ALMS1: variants seen among roughly 807,000 people sequenced by gnomAD.
ALMS1 encodes the protein centrosome-associated protein ALMS1.
A neutral mutation model predicts 352.2 loss-of-function variants in ALMS1; 271 were observed. That is an observed-to-expected ratio of 0.77 (90% confidence interval 0.70 to 0.85). The LOEUF (loss-of-function observed/expected upper bound fraction) is 0.85, where lower values mean the gene tolerates loss of function less well. ALMS1 is among the 40% of genes least tolerant of loss of function. The pLI, the probability that ALMS1 is intolerant of heterozygous loss-of-function variation, is 0.00. For missense variants in ALMS1, 5,445 were observed against 4,870.7 expected (o/e 1.12, Z -3.51); for synonymous variants, 1,865 against 1,761.2 (o/e 1.06, Z -1.48).
intron 11 of ALMS1, among the ~76,000 whole-genome samples, chr2:73,529,708 C>T (rs1419880753): frequency 6.6e-6 from 1 of 152,118 alleles, no homozygotes; most frequent in Non-Finnish European, 1.5e-5. Flanking sequence ...TGTATTAGTC[C>T]ATTTTCAAAC....
chr2:73,493,393 T>G (rs933687647), intron 10 of ALMS1, among the ~76,000 whole-genome samples: 1 of 150,958 alleles, frequency 6.6e-6, no homozygotes, highest in South Asian at 2.1e-4. Flanking sequence ...ATAAAACATA[T>G]ATATATAAGT....
chr2:73,437,785 T>C (rs567811606), intron 7 of ALMS1, among the ~76,000 whole-genome samples: 1 of 152,234 alleles, frequency 6.6e-6, no homozygotes, highest in African/African-American at 2.4e-5. Flanking sequence ...TAACCACAAG[T>C]TTACCTGCCA....
At chr2:73,405,835 TG>T (rs1670961748) in intron 1 of ALMS1, among the ~76,000 whole-genome samples, 1 of 152,224 alleles carries the variant, frequency 6.6e-6, no homozygotes. Context: ...AAGAGTTTGT[TG>T]TTTAATTTCT....
chr2:73,471,812 C>T (rs1270582127), intron 9 of ALMS1, among the ~76,000 whole-genome samples: 1 of 151,808 alleles, frequency 6.6e-6, no homozygotes, highest in African/African-American at 2.4e-5. Context: ...TATGGAGATT[C>T]CTTAAAAAAT....
intron 7 of ALMS1, among the ~76,000 whole-genome samples, chr2:73,432,673 G>T (rs1344280230): frequency 1.3e-5 from 2 of 152,014 alleles, no homozygotes; most frequent in Non-Finnish European, 2.9e-5. Flanking sequence ...CAAACATGTG[G>T]CCTGTGTCCT....
intron 10 of ALMS1, among the ~76,000 whole-genome samples, chr2:73,501,403 A>C (rs934495551): frequency 6.6e-6 from 1 of 151,808 alleles, no homozygotes; most frequent in Non-Finnish European, 1.5e-5. Context: ...GTGTTGTAAA[A>C]GTTTTCTCCT....
Position 73,451,668 on chromosome 2 carries a change from A to G in ALMS1, c.5141A>G (p.Tyr1714Cys), listed in dbSNP as rs748558411. ...TCAGTATCCTCTAGTTTATACTCAT[A>G]TAGAGAGAAGCCCATTGTCTTCTAC... is the stretch of plus-strand genomic sequence containing the variant. ...TPSVSSSLYS[Y>C]REKPIVFYQQ... The change falls in exon 8 of 23, where the codon TAT becomes TGT. Residue 1714 changes from tyrosine (Y) to cysteine (C), a missense_variant. Tyr to Cys is a radical substitution (Grantham distance 194). Transcript: ENST00000613296. The G allele has an allele frequency of 6.2e-6, 10 of 1,613,918 alleles. No individual in the cohort carries two copies. The highest frequency in any genetic ancestry group is 1.7e-4 in the Middle Eastern group (1 of 6,060).
At chr2:73,602,644 A>T (rs1339596619) in intron 20 of ALMS1, among the ~76,000 whole-genome samples, 5 of 152,152 alleles carry the variant, frequency 3.3e-5, no homozygotes, top group Non-Finnish European at 7.3e-5. Context: ...AAGTATATTG[A>T]TTTTTCCTGA....
rs1394971174 is a variant in ALMS1 at position 73,491,234 on chromosome 2, C to T, written c.9275C>T (p.Ser3092Leu). Residue 3092 changes from serine to leucine, a missense_variant, in exon 10 of 23, where the codon TCG becomes TTG. Physicochemically the swap from Ser to Leu is moderately radical, Grantham distance 145. Transcript: ENST00000613296. ...EFNFDLHTVS[S>L]RSLEPTSKLL... ...AACTTTGACTTACATACTGTATCTT[C>T]GAGATCACTGGAACCAACCTCCAAA... 6.2e-6 allele frequency: 10 copies of T among 1,614,090 alleles called. No individual in the cohort carries two copies. The highest frequency in any genetic ancestry group is 1.6e-4 in the Middle Eastern group (1 of 6,062).
At chr2:73,513,879 C>G (rs911334688) in intron 10 of ALMS1, among the ~76,000 whole-genome samples, 1 of 152,092 alleles carries the variant, frequency 6.6e-6, no homozygotes, top group African/African-American at 2.4e-5. Context: ...CCTTCCTTAC[C>G]CTAATGAGAT....
chr2:73,566,818 C>T (rs1674811399), intron 15 of ALMS1, among the ~76,000 whole-genome samples: 1 of 152,224 alleles, frequency 6.6e-6, no homozygotes, highest in African/African-American at 2.4e-5. Flanking sequence ...GGGAGAATCC[C>T]ATGACCCCCT....
chr2:73,422,544 A>G (rs913322261), intron 3 of ALMS1, among the ~76,000 whole-genome samples: 1 of 152,188 alleles, frequency 6.6e-6, no homozygotes, highest in African/African-American at 2.4e-5. Flanking sequence ...CATTTCAGCT[A>G]CTTGAATGTG....
intron 15 of ALMS1, among the ~76,000 whole-genome samples, chr2:73,569,614 T>C (rs998314597): frequency 6.6e-6 from 1 of 152,200 alleles, no homozygotes; most frequent in South Asian, 2.1e-4. Flanking sequence ...CTTGGCCTAG[T>C]GTTCCAGGCC....
At chr2:73,483,515 G>C (rs1672759301) in intron 9 of ALMS1, among the ~76,000 whole-genome samples, 1 of 151,578 alleles carries the variant, frequency 6.6e-6, no homozygotes, top group Non-Finnish European at 1.5e-5. Context: ...TTTTGGAATA[G>C]GTGTGGTGTG....
rs549945146 is a variant in ALMS1, at chr2:73,455,050, T to G, written c.7541-112T>G. On this transcript the variant is annotated intron_variant, in intron 8 of 22. Coordinates refer to ENST00000613296, the MANE Select transcript of ALMS1 (RefSeq NM_001378454.1). ...TGTCATAATTGAGAAGAAGACATAC[T>G]AAGCATTGCAGTGGGTATTAAATTG... 8.1e-5 allele frequency: 96 copies of G among 1,180,962 alleles called. 2 individuals carry two copies. The South Asian group carries it at 1.1e-3, about 14-fold the overall frequency. The allele number at this position is 1,180,962 out of a possible 1,614,324, so 73.2% of individuals were successfully genotyped here. A position where few individuals can be genotyped will look rare whatever the true frequency, so the allele number is the denominator to read the frequency against.
At chr2:73,440,710 C>G (rs1671703007) in intron 7 of ALMS1, among the ~76,000 whole-genome samples, 1 of 152,188 alleles carries the variant, frequency 6.6e-6, no homozygotes, top group Non-Finnish European at 1.5e-5. Flanking sequence ...TAGGCGTGAG[C>G]AACCACAGCC....
Position 73,579,068 on chromosome 2 carries a change from TTTATTTA to T in ALMS1, c.11547+5647_11547+5653del, listed in dbSNP as rs1241476192. 3.5e-3 allele frequency among the ~76,000 whole-genome samples: 480 copies of T among 136,900 alleles called. 30 individuals are homozygous for T. Among genetic ancestry groups the T allele is most frequent in the Non-Finnish European group, 4.0e-3 (261 of 64,940 alleles). 89.8% of individuals were successfully genotyped at this position (136,900 alleles called of 152,430 possible). A position where few individuals can be genotyped will look rare whatever the true frequency, so the allele number is the denominator to read the frequency against. ...TCTTTAATTTCTCCTTTATTCTTTT[TTTATTTA>T]TTTTTTTTTTTGAGACGGAGTCGTC... On this transcript the variant is annotated intron_variant, in intron 16 of 22. Transcript: ENST00000613296.
chr2:73,431,334 C>T (rs941868678), intron 6 of ALMS1, among the ~76,000 whole-genome samples: 8 of 152,042 alleles, frequency 5.3e-5, no homozygotes, highest in African/African-American at 1.7e-4. Flanking sequence ...TTCATTACTA[C>T]ACAATGAAAA....
At chr2:73,512,573 T>C (rs1673475234) in intron 10 of ALMS1, among the ~76,000 whole-genome samples, 1 of 152,178 alleles carries the variant, frequency 6.6e-6, no homozygotes, top group South Asian at 2.1e-4. Context: ...CTGTTGAATT[T>C]AGAGAATCTT....
Sources: gnomAD v4.1 joint callset for allele counts (sites outside exome capture counted in the v4.1 genomes callset) on GRCh38, gnomAD v4.1.1 for gene constraint, MANE v1.5 for transcripts, NCBI Gene and HGNC (gene_info 2026-07-23, HGNC 2026-07-21) for gene names.